Variants in ACACA observed in about 807,000 individuals in gnomAD.
ACACA encodes the protein acetyl-CoA carboxylase 1.
ACACA carries 103 observed loss-of-function variants against 296.1 expected under a neutral mutation model. The ratio of observed to expected loss-of-function variants is 0.35; its 90% CI spans 0.30 to 0.41. ACACA has a LOEUF of 0.41. Among genes scored for constraint, ACACA ranks in the 10% least tolerant of loss-of-function variants. ACACA has a pLI of 1.00. For synonymous variants in ACACA, 953 were observed against 1,038.6 expected (o/e 0.92, Z 1.58); for missense variants, 1,554 against 2,989.7 (o/e 0.52, Z 11.20).
At chr17:37,299,236 T>C (rs764789656) in intron 3 of ACACA, 1 of 1,588,900 alleles carries the variant, frequency 6.3e-7, no homozygotes, top group African/African-American at 1.3e-5. Context: ...TACTGTTTTT[T>C]TAAAGATATA....
At chr17:37,226,945 C>G (rs1411869704) in intron 25 of ACACA, among the ~76,000 whole-genome samples, 1 of 151,848 alleles carries the variant, frequency 6.6e-6, no homozygotes, top group Non-Finnish European at 1.5e-5. Flanking sequence ...AACAGAAACA[C>G]AAGAATAAAT....
chr17:37,386,028 A>G, intron 1 of ACACA: 1 of 1,595,474 alleles, frequency 6.3e-7, no homozygotes, highest in Non-Finnish European at 8.6e-7. Context: ...CAGGGATCTC[A>G]CAATGTAAAG....
chr17:37,159,921 T>C (rs1332057346), intron 42 of ACACA, among the ~76,000 whole-genome samples: 10 of 152,160 alleles, frequency 6.6e-5, no homozygotes, highest in Non-Finnish European at 1.2e-4. Context: ...ATTTCAAGGA[T>C]GAAGGAATGA....
intron 1 of ACACA, among the ~76,000 whole-genome samples, chr17:37,358,641 G>A (rs556118348): frequency 2.6e-5 from 4 of 152,206 alleles, no homozygotes; most frequent in African/African-American, 4.8e-5. Context: ...TTGGAGAGGG[G>A]TCTGGAAGGA....
At chr17:37,327,333 C>T (rs1191406018) in intron 3 of ACACA, among the ~76,000 whole-genome samples, 32 of 152,190 alleles carry the variant, frequency 2.1e-4, no homozygotes, top group Admixed American at 2.0e-3. Flanking sequence ...CCCCAAAGGT[C>T]ACCATATCCA....
chr17:37,239,871 T>A (rs1474602440), intron 24 of ACACA, among the ~76,000 whole-genome samples: 1 of 152,240 alleles, frequency 6.6e-6, no homozygotes, highest in Non-Finnish European at 1.5e-5. Context: ...AAATTTCAGA[T>A]AATGTTTCAA....
intron 3 of ACACA, among the ~76,000 whole-genome samples, chr17:37,325,936 G>T (rs1415328267): frequency 1.3e-5 from 2 of 152,002 alleles, no homozygotes; most frequent in Non-Finnish European, 2.9e-5. Context: ...AGCTGGGCAT[G>T]GTGGCTCACA....
chr17:37,114,073 G>C (rs1262794238), intron 50 of ACACA, among the ~76,000 whole-genome samples: 1 of 152,150 alleles, frequency 6.6e-6, no homozygotes, highest in Non-Finnish European at 1.5e-5. Context: ...TGCAGTCCCA[G>C]TCACTTGGCT....
At chr17:37,235,386 A>G (rs1425020917) in intron 24 of ACACA, among the ~76,000 whole-genome samples, 1 of 152,096 alleles carries the variant, frequency 6.6e-6, no homozygotes, top group Non-Finnish European at 1.5e-5. Context: ...CCTCAATTTC[A>G]TTAAATTTTT....
At chr17:37,377,863 C>G in intron 1 of ACACA, 1 of 1,608,880 alleles carries the variant, frequency 6.2e-7, no homozygotes, top group Admixed American at 1.7e-5. Context: ...CCTCCTCCCC[C>G]TCTGCTCACC....
At chr17:37,319,454 C>T (rs913387071) in intron 3 of ACACA, among the ~76,000 whole-genome samples, 10 of 152,090 alleles carry the variant, frequency 6.6e-5, no homozygotes, top group African/African-American at 2.2e-4. Flanking sequence ...GGCAAATATA[C>T]AAGCGTTTAT....
At chr17:37,315,030 C>T (rs1371964731) in intron 3 of ACACA, among the ~76,000 whole-genome samples, 2 of 139,024 alleles carry the variant, frequency 1.4e-5, no homozygotes, top group African/African-American at 5.5e-5. Flanking sequence ...ACAATCTCGG[C>T]TCACCACAAC....
intron 1 of ACACA, chr17:37,365,381 G>T: frequency 1.1e-6 from 1 of 918,874 alleles, no homozygotes; most frequent in Non-Finnish European, 1.3e-6. Flanking sequence ...AGCTCTTCAA[G>T]TAGGACTAGG....
intron 1 of ACACA, among the ~76,000 whole-genome samples, chr17:37,391,236 T>TC (rs2050871777): frequency 6.6e-6 from 1 of 151,798 alleles, no homozygotes; most frequent in Non-Finnish European, 1.5e-5. Context: ...AGACTCTGTC[T>TC]CAAAAAAAAA....
intron 42 of ACACA, among the ~76,000 whole-genome samples, chr17:37,160,343 A>C (rs377381954): frequency 6.6e-6 from 1 of 152,244 alleles, no homozygotes; most frequent in Non-Finnish European, 1.5e-5. Flanking sequence ...CTATTCATTC[A>C]AAGTGTGGAA....
At chr17:37,308,259 T>G (rs2083973605) in intron 3 of ACACA, among the ~76,000 whole-genome samples, 1 of 152,184 alleles carries the variant, frequency 6.6e-6, no homozygotes, top group African/African-American at 2.4e-5. Flanking sequence ...ATATTTTAAT[T>G]GAATAATAAT....
intron 50 of ACACA, among the ~76,000 whole-genome samples, chr17:37,117,789 G>GTT (rs57262044): frequency 1.1e-3 from 166 of 147,284 alleles, no homozygotes; most frequent in African/African-American, 2.9e-3. Flanking sequence ...GACTAGTAGA[G>GTT]TTTTTTTTTT....
At chr17:37,222,343 A>C (rs2079336560) in intron 28 of ACACA, among the ~76,000 whole-genome samples, 1 of 152,206 alleles carries the variant, frequency 6.6e-6, no homozygotes, top group Non-Finnish European at 1.5e-5. Flanking sequence ...ACCCGCTCAA[A>C]ATCAGTTTTC....
intron 1 of ACACA, among the ~76,000 whole-genome samples, chr17:37,390,294 T>C (rs2050781952): frequency 3.4e-5 from 1 of 29,414 alleles, no homozygotes; most frequent in Non-Finnish European, 5.1e-5. Flanking sequence ...TAATTATATA[T>C]TATACATAAT....
Sources: allele counts gnomAD v4.1 joint callset (sites outside exome capture counted in the v4.1 genomes callset), GRCh38; gene constraint gnomAD v4.1.1; transcripts MANE v1.5; gene names NCBI Gene and HGNC (gene_info 2026-07-23, HGNC 2026-07-21).